EPG5: variants seen among roughly 807,000 people sequenced by gnomAD.
The protein encoded by EPG5 is ectopic P-granules 5 autophagy tethering factor, also known as ectopic P granules protein 5 homolog.
Under a neutral mutation model 302.7 loss-of-function variants are expected in EPG5, and 159 were observed. That is an observed-to-expected ratio of 0.53 (90% confidence interval 0.46 to 0.60). EPG5 has a LOEUF of 0.60. Ranked by LOEUF, EPG5 falls within the 20% of genes least tolerant of loss-of-function variation. The pLI, the probability that EPG5 is intolerant of heterozygous loss-of-function variation, is 0.00. For synonymous variants in EPG5, 1,158 were observed against 1,136.8 expected (o/e 1.02, Z -0.37); for missense variants, 2,896 against 3,092.4 (o/e 0.94, Z 1.51).
intron 1 of EPG5, among the ~76,000 whole-genome samples, chr18:45,964,927 TG>T (rs1200409367): frequency 6.6e-6 from 1 of 152,194 alleles, no homozygotes; most frequent in African/African-American, 2.4e-5. Context: ...CACTCCAGCC[TG>T]GGCAACAAAA....
At chr18:45,938,102 T>A (rs556659516) in intron 10 of EPG5, among the ~76,000 whole-genome samples, 98 of 152,276 alleles carry the variant, frequency 6.4e-4, no homozygotes, top group African/African-American at 2.3e-3. Context: ...CCTGACACAG[T>A]CCTGAACAGG....
the EPG5 span, chr18:45,840,306 T>G: frequency 6.5e-7 from 1 of 1,533,640 alleles, no homozygotes; most frequent in South Asian, 1.2e-5. Context: ...ACCCAGGGGG[T>G]CCAGGCAGGA....
chr18:45,882,162 ACTC>A (rs1226900889), intron 31 of EPG5, 109 bp downstream of exon 31: 1 of 937,422 alleles, frequency 1.1e-6, no homozygotes, highest in Admixed American at 2.7e-5. Flanking sequence ...GTGATTCTAA[ACTC>A]CTATACTGGT....
chr18:45,828,997 C>A, the EPG5 span: 1 of 737,308 alleles, frequency 1.4e-6, no homozygotes, highest in Non-Finnish European at 1.7e-6. Context: ...TTTGCTTGAA[C>A]TGAGGAAGTC....
Position 45,922,537 on chromosome 18 carries a change from C to A in EPG5, c.2902G>T (p.Ala968Ser). ...ETPETSFNQW[A>S]WNLILRLKLH... is the part of the protein sequence containing the mutation. ...TTTAGCCTCAAGATTAAATTCCAGG[C>A]CCATTGGTTAAATGAGGTCTCGGGT... The change falls in exon 16 of 44, where the codon GCC becomes TCC. Residue 968 changes from alanine to serine, a missense_variant. By Grantham distance (99) the Ala-to-Ser change is moderately conservative. Transcript: ENST00000282041. 1 of 1,614,122 alleles carries A rather than the reference C, an allele frequency of 6.2e-7. No individual in the cohort carries two copies. Among genetic ancestry groups the A allele is most frequent in the Non-Finnish European group, 8.5e-7 (1 of 1,180,020 alleles).
At chr18:45,836,660 G>T in the EPG5 span, among the ~76,000 whole-genome samples, 1 of 152,318 alleles carries the variant, frequency 6.6e-6, no homozygotes, top group South Asian at 2.1e-4. Flanking sequence ...GAGCAAGGAG[G>T]CAGTGAAACA....
At chr18:45,800,657 G>A in the EPG5 span, among the ~76,000 whole-genome samples, 1 of 152,178 alleles carries the variant, frequency 6.6e-6, no homozygotes, top group East Asian at 1.9e-4. Flanking sequence ...CGAATTTGCA[G>A]CCCTCTCACT....
At chr18:45,892,775 C>T (rs2049381850) in intron 27 of EPG5, among the ~76,000 whole-genome samples, 1 of 152,162 alleles carries the variant, frequency 6.6e-6, no homozygotes, top group Non-Finnish European at 1.5e-5. Context: ...TTGCAGATAG[C>T]TGGAAATTTC....
chr18:45,821,688 A>G, the EPG5 span, among the ~76,000 whole-genome samples: 1 of 152,252 alleles, frequency 6.6e-6, no homozygotes, highest in African/African-American at 2.4e-5. Context: ...ATGGGAGTAA[A>G]TATTTGCAAA....
At chr18:45,808,991 G>A in the EPG5 span, among the ~76,000 whole-genome samples, 5 of 152,048 alleles carry the variant, frequency 3.3e-5, no homozygotes, top group African/African-American at 1.2e-4. Flanking sequence ...GCCTTCAGGA[G>A]GCTCACCTAA....
intron 40 of EPG5, 92 bp downstream of exon 40, chr18:45,860,012 G>T: frequency 6.7e-7 from 1 of 1,483,084 alleles, no homozygotes. Flanking sequence ...ATCCCTCACT[G>T]GGAAGAGTCT....
At chr18:45,833,379 C>T in the EPG5 span, among the ~76,000 whole-genome samples, 6 of 152,136 alleles carry the variant, frequency 3.9e-5, no homozygotes, top group African/African-American at 1.4e-4. Context: ...TACAGTGGTG[C>T]AGTCTCAGCT....
At chr18:45,819,212 A>C in the EPG5 span, among the ~76,000 whole-genome samples, 1 of 152,156 alleles carries the variant, frequency 6.6e-6, no homozygotes, top group Admixed American at 6.5e-5. Flanking sequence ...CCTTTAATTA[A>C]TTGCTCATCT....
At position 45,921,467 on chromosome 18, in the gene EPG5, C is replaced by T. The variant is rs576695669; in HGVS notation, c.3098+874G>A. On this transcript the variant is annotated intron_variant, in intron 16 of 43. Coordinates refer to ENST00000282041, the MANE Select transcript of EPG5 (RefSeq NM_020964.3). ...AGTCATTCATGCATTCAATTATTTACTGCACCAGATATAGTCTTCATCACT... is the reference window on the plus strand; with the variant it reads ...AGTCATTCATGCATTCAATTATTTATTGCACCAGATATAGTCTTCATCACT... Among the ~76,000 whole-genome samples, 8 of 152,322 alleles carry T rather than the reference C, an allele frequency of 5.3e-5. No homozygotes were observed. The South Asian group carries it at 1.7e-3, about 32-fold the overall frequency.
chr18:45,952,057 A>T (rs1183771574), intron 3 of EPG5, among the ~76,000 whole-genome samples: 2 of 152,256 alleles, frequency 1.3e-5, no homozygotes, highest in African/African-American at 4.8e-5. Flanking sequence ...AAGGGTGAAG[A>T]AGTATTCCGA....
chr18:45,883,031 A>AG lies in EPG5; in HGVS notation c.5305-545dup, dbSNP rs35463624. On this transcript the variant is annotated intron_variant, in intron 30 of 43. Transcript: ENST00000282041. ...TCACAACAAAAAAAAAAAAAAAAAAAGTAGTTCACTAATTGGTGCCATTAT... is the reference window on the plus strand; with the variant it reads ...TCACAACAAAAAAAAAAAAAAAAAAAGGTAGTTCACTAATTGGTGCCATTAT... Among the ~76,000 whole-genome samples, 685 of 147,550 alleles carry AG rather than the reference A, an allele frequency of 4.6e-3. 12 individuals carry two copies. Among genetic ancestry groups the AG allele is most frequent in the East Asian group, 0.024 (121 of 5,064 alleles).
downstream of EPG5, among the ~76,000 whole-genome samples, chr18:45,844,975 GAGATCATTAAC>G (rs1042043743): frequency 1.3e-5 from 2 of 152,198 alleles, no homozygotes; most frequent in African/African-American, 4.8e-5. Flanking sequence ...TACCACATTT[GAGATCATTAAC>G]ATGAATGCAG....
At chr18:45,874,958 G>C (rs1176514960) in intron 35 of EPG5, among the ~76,000 whole-genome samples, 2 of 152,168 alleles carry the variant, frequency 1.3e-5, no homozygotes, top group African/African-American at 2.4e-5. Flanking sequence ...GGTTTTCTAA[G>C]GACTATATTC....
At chr18:45,867,788 C>T in intron 36 of EPG5, 40 bp from the exon 37 acceptor site, 2 of 1,519,384 alleles carry the variant, frequency 1.3e-6, no homozygotes, top group Non-Finnish European at 1.8e-6. Context: ...TTGCCTTGTG[C>T]TATCTATGTA....
Sources: allele counts gnomAD v4.1 joint callset (sites outside exome capture counted in the v4.1 genomes callset), GRCh38; gene constraint gnomAD v4.1.1; transcripts MANE v1.5; gene names NCBI Gene and HGNC (gene_info 2026-07-23, HGNC 2026-07-21).